Variants in DLG2 observed in about 807,000 individuals in gnomAD.
The protein encoded by DLG2 is discs large MAGUK scaffold protein 2.
A neutral mutation model predicts 132.5 loss-of-function variants in DLG2; 45 were observed. The ratio of observed to expected loss-of-function variants is 0.34; its 90% CI spans 0.27 to 0.44. DLG2 has a LOEUF of 0.44. Ranked by LOEUF, DLG2 falls within the 20% of genes least tolerant of loss-of-function variation. The pLI is 1.00. For synonymous variants in DLG2, 424 were observed against 419.6 expected (o/e 1.01, Z -0.13); for missense variants, 1,045 against 1,196.9 (o/e 0.87, Z 1.87).
At chr11:84,239,418 G>A (rs2097198756) in intron 8 of DLG2, among the ~76,000 whole-genome samples, 1 of 152,102 alleles carries the variant, frequency 6.6e-6, no homozygotes, top group Non-Finnish European at 1.5e-5. Context: ...CTGACCTCAG[G>A]TGATCCTCCC....
chr11:84,093,903 T>C (rs1397561994), intron 10 of DLG2, among the ~76,000 whole-genome samples: 1 of 151,950 alleles, frequency 6.6e-6, no homozygotes, highest in East Asian at 1.9e-4. Flanking sequence ...GCATGAGCCA[T>C]CGCGCCTATT....
intron 3 of DLG2, among the ~76,000 whole-genome samples, chr11:85,312,274 C>A (rs1284553243): frequency 6.6e-6 from 1 of 151,358 alleles, no homozygotes; most frequent in Non-Finnish European, 1.5e-5. Flanking sequence ...GTTATAATAC[C>A]ATCCATATTA....
At chr11:84,182,170 T>C (rs867372124) in intron 8 of DLG2, among the ~76,000 whole-genome samples, 1 of 152,108 alleles carries the variant, frequency 6.6e-6, no homozygotes, top group South Asian at 2.1e-4. Flanking sequence ...AGATACAATG[T>C]CTGTTCTTAA....
intron 3 of DLG2, among the ~76,000 whole-genome samples, chr11:85,332,183 T>C (rs1364994356): frequency 1.3e-5 from 2 of 152,216 alleles, no homozygotes; most frequent in Non-Finnish European, 2.9e-5. Flanking sequence ...TGGTATCTCA[T>C]TGTAGTTTTG....
chr11:83,535,733 T>C (rs2095862889), intron 20 of DLG2, among the ~76,000 whole-genome samples: 1 of 152,200 alleles, frequency 6.6e-6, no homozygotes, highest in African/African-American at 2.4e-5. Flanking sequence ...AAAGCTTTGC[T>C]TCCTATTTGG....
At chr11:83,821,137 G>T (rs2050662132) in intron 17 of DLG2, among the ~76,000 whole-genome samples, 1 of 152,192 alleles carries the variant, frequency 6.6e-6, no homozygotes, top group Non-Finnish European at 1.5e-5. Flanking sequence ...CTCCATACTA[G>T]CTGGAAAGTT....
At chr11:84,341,859 C>A (rs1567342431) in intron 7 of DLG2, among the ~76,000 whole-genome samples, 2 of 150,990 alleles carry the variant, frequency 1.3e-5, no homozygotes, top group Non-Finnish European at 3.0e-5. Context: ...TGTGTAGATG[C>A]ACTATAACAA....
At chr11:84,246,893 G>T (rs2097309578) in intron 8 of DLG2, among the ~76,000 whole-genome samples, 1 of 151,932 alleles carries the variant, frequency 6.6e-6, no homozygotes, top group African/African-American at 2.4e-5. Flanking sequence ...TTTGGTTGTG[G>T]TTACACACCA....
chr11:84,280,510 C>A (rs866668004), intron 7 of DLG2, among the ~76,000 whole-genome samples: 2 of 151,970 alleles, frequency 1.3e-5, no homozygotes, highest in African/African-American at 4.8e-5. Flanking sequence ...CTCAGGTGAT[C>A]TGCCTGCCTC....
intron 3 of DLG2, among the ~76,000 whole-genome samples, chr11:85,311,662 A>T (rs1181215870): frequency 6.6e-6 from 1 of 152,094 alleles, no homozygotes; most frequent in Non-Finnish European, 1.5e-5. Context: ...CCTTATAGAT[A>T]ACTTTTATCT....
chr11:85,531,262 T>C (rs980317719), intron 3 of DLG2, among the ~76,000 whole-genome samples: 1 of 152,222 alleles, frequency 6.6e-6, no homozygotes, highest in African/African-American at 2.4e-5. Context: ...AAGCTTGCTG[T>C]TGGAGAGGCT....
At chr11:85,395,454 T>C (rs1472275434) in intron 3 of DLG2, among the ~76,000 whole-genome samples, 1 of 152,046 alleles carries the variant, frequency 6.6e-6, no homozygotes, top group Non-Finnish European at 1.5e-5. Flanking sequence ...GGCGGGGTGT[T>C]GCCTCAAACA....
intron 4 of DLG2, among the ~76,000 whole-genome samples, chr11:85,202,021 G>A (rs572065451): frequency 6.6e-6 from 1 of 151,434 alleles, no homozygotes; most frequent in East Asian, 1.9e-4. Flanking sequence ...TTAAAACACA[G>A]AGGAAAAATG....
At chr11:84,388,369 C>T (rs538110523) in intron 7 of DLG2, among the ~76,000 whole-genome samples, 3 of 151,878 alleles carry the variant, frequency 2.0e-5, no homozygotes, top group South Asian at 4.2e-4. Context: ...AAATTGCCTA[C>T]AGGGGGAAAA....
chr11:85,029,633 G>A (rs1483316400), intron 6 of DLG2, among the ~76,000 whole-genome samples: 1 of 152,182 alleles, frequency 6.6e-6, no homozygotes, highest in Non-Finnish European at 1.5e-5. Context: ...ACCAAGTTTA[G>A]CCTAAAGCTG....
intron 8 of DLG2, among the ~76,000 whole-genome samples, chr11:84,177,226 C>T (rs2095996141): frequency 6.6e-6 from 1 of 152,088 alleles, no homozygotes; most frequent in South Asian, 2.1e-4. Context: ...TGTATAACTC[C>T]TACTTAGCCT....
At chr11:85,575,521 C>G (rs989055822) in intron 3 of DLG2, among the ~76,000 whole-genome samples, 6 of 141,552 alleles carry the variant, frequency 4.2e-5, no homozygotes, top group Non-Finnish European at 9.0e-5. Context: ...ACCTACATGA[C>G]AGAGTGAGAT....
At chr11:83,763,067 G>A (rs1257390216) in intron 18 of DLG2, among the ~76,000 whole-genome samples, 2 of 152,204 alleles carry the variant, frequency 1.3e-5, no homozygotes, top group East Asian at 3.8e-4. Flanking sequence ...ATAAAGGGCT[G>A]CCATACTACC....
chr11:85,434,489 G>T (rs941372385), intron 3 of DLG2, among the ~76,000 whole-genome samples: 1 of 151,738 alleles, frequency 6.6e-6, no homozygotes. Context: ...TGATAAATGG[G>T]ATATCACCAC....
Sources: gnomAD v4.1 joint callset for allele counts (sites outside exome capture counted in the v4.1 genomes callset) on GRCh38, gnomAD v4.1.1 for gene constraint, MANE v1.5 for transcripts, NCBI Gene and HGNC (gene_info 2026-07-23, HGNC 2026-07-21) for gene names.